Variants in ADCY9 observed in about 807,000 individuals in gnomAD.
ADCY9 encodes the protein adenylate cyclase type 9.
In ADCY9, 50 loss-of-function variants were observed where a neutral mutation model predicts 101.5. The observed-to-expected ratio is 0.49, with a 90% CI of 0.39 to 0.62. ADCY9 has a LOEUF of 0.62. Among genes scored for constraint, ADCY9 ranks in the 20% least tolerant of loss-of-function variants. The pLI is 0.00. For missense variants in ADCY9, 1,662 were observed against 1,800.4 expected (o/e 0.92, Z 1.39); for synonymous variants, 905 against 769.3 (o/e 1.18, Z -2.92).
chr16:3,960,130 C>T (rs781220942), downstream of ADCY9, among the ~76,000 whole-genome samples: 3 of 152,220 alleles, frequency 2.0e-5, no homozygotes, highest in African/African-American at 2.4e-5. Context: ...GAAACCTCAT[C>T]TGCAGAGAGT....
At chr16:4,054,481 C>G (rs2056723158) in intron 2 of ADCY9, among the ~76,000 whole-genome samples, 2 of 152,202 alleles carry the variant, frequency 1.3e-5, no homozygotes, top group African/African-American at 4.8e-5. Flanking sequence ...CTATTACTCT[C>G]TGCCCATTTC....
At chr16:4,071,439 G>T (rs559014286) in intron 2 of ADCY9, among the ~76,000 whole-genome samples, 2 of 150,862 alleles carry the variant, frequency 1.3e-5, no homozygotes, top group African/African-American at 4.9e-5. Context: ...CCTTATAAAG[G>T]TTCCTGCAAA....
At chr16:3,954,317 C>G (rs2055896359) in intron 5 of ADCY9, among the ~76,000 whole-genome samples, 1 of 152,192 alleles carries the variant, frequency 6.6e-6, no homozygotes, top group African/African-American at 2.4e-5. Flanking sequence ...TCTGCTCTGT[C>G]CCTGCCCTCC....
rs575676841 is a variant in ADCY9, at chr16:4,019,532, C to T, written c.1694-11974G>A. On this transcript the variant is annotated intron_variant, in intron 2 of 10. Coordinates refer to ENST00000294016, the MANE Select transcript of ADCY9 (RefSeq NM_001116.4). Reference sequence around the variant, plus strand: ...AGAGGAGGGGACAAAGGCTGGGTCCCCGGCCATCAACAAACGGAGAGCTAG... The same window carrying T: ...AGAGGAGGGGACAAAGGCTGGGTCCTCGGCCATCAACAAACGGAGAGCTAG... Among the ~76,000 whole-genome samples the T allele has an allele frequency of 1.3e-5, 2 of 152,328 alleles. 1 individual carries two copies. Among genetic ancestry groups the T allele is most frequent in the South Asian group, 4.1e-4 (2 of 4,828 alleles).
chr16:3,958,269 C>T (rs1597126390), downstream of ADCY9, among the ~76,000 whole-genome samples: 2 of 152,074 alleles, frequency 1.3e-5, no homozygotes, highest in Admixed American at 6.6e-5. Context: ...GGGCCGGGCA[C>T]GGTAGCTCAC....
chr16:4,072,475 G>A (rs753561168), intron 2 of ADCY9, among the ~76,000 whole-genome samples: 26 of 152,112 alleles, frequency 1.7e-4, no homozygotes, highest in Non-Finnish European at 3.5e-4. Flanking sequence ...CTTCCCTACG[G>A]TATACAAGCC....
In ADCY9 at chr16:3,979,315, G is replaced by A. The variant is rs143269263; in HGVS notation, c.2520-40C>T. ...GGGGTTAGCAGGAGCGACGGGGCCC[G>A]GGGTGGGTCATCGGCCAGGAGACAG... On this transcript the variant is annotated intron_variant, in intron 7 of 10. Coordinates refer to ENST00000294016, the MANE Select transcript of ADCY9 (RefSeq NM_001116.4). 1.4e-4 allele frequency: 230 copies of A among 1,606,688 alleles called. 2 individuals carry two copies. In the African/African-American group the frequency reaches 2.1e-3, roughly 15 times the overall value.
At chr16:3,983,134 C>A (rs558992077) in intron 7 of ADCY9, 98 bp downstream of exon 7, 302 of 1,165,518 alleles carry the variant, frequency 2.6e-4, no homozygotes, top group Non-Finnish European at 3.5e-4. Flanking sequence ...GCAGGGACAG[C>A]TGGCTGGGGA....
At chr16:4,003,466 C>T (rs562688421) in intron 3 of ADCY9, among the ~76,000 whole-genome samples, 32 of 152,300 alleles carry the variant, frequency 2.1e-4, no homozygotes, top group African/African-American at 7.5e-4. Context: ...TCCGGCTCAT[C>T]TCCCAGCAAT....
At position 4,114,798 on chromosome 16, in the gene ADCY9, A is replaced by G. The variant is rs747198785; in HGVS notation, c.645T>C (p.Asp215=). 2.5e-5 allele frequency: 40 copies of G among 1,613,386 alleles called. No homozygotes were observed. The highest frequency in any genetic ancestry group is 3.3e-5 in the Non-Finnish European group (39 of 1,180,052). The change falls in exon 2 of 11, where the codon GAT becomes GAC. Residue 215 remains aspartate (D), a synonymous_variant. Transcript: ENST00000294016. This position sits in a 1 kb window ranked among gnomAD's most constrained non-coding sequence, Gnocchi z 4.3. ...SNLTATARPT[D]TCLSQVGSFS... is the part of the protein sequence containing the mutation. ...AGCTCCCCACTTGAGATAAGCAAGT[A>G]TCTGTGGGCCGGGCTGTGGCCGTAA...
At chr16:4,013,449 A>G (rs956383933) in intron 2 of ADCY9, among the ~76,000 whole-genome samples, 18 of 152,142 alleles carry the variant, frequency 1.2e-4, no homozygotes, top group Admixed American at 9.2e-4. Context: ...TAAAAGAAAA[A>G]GAAGAAAAGA....
intron 2 of ADCY9, among the ~76,000 whole-genome samples, chr16:4,060,237 C>T (rs543446539): frequency 2.0e-5 from 3 of 152,268 alleles, no homozygotes; most frequent in Admixed American, 6.5e-5. Context: ...AAAACCTAGC[C>T]GGAAGATACA....
intron 2 of ADCY9, among the ~76,000 whole-genome samples, chr16:4,055,217 C>T (rs1567131118): frequency 6.6e-6 from 1 of 152,156 alleles, no homozygotes; most frequent in African/African-American, 2.4e-5. Flanking sequence ...CAGCAGATTT[C>T]ACAAGTGAAA....
At chr16:4,049,591 A>G (rs2056687651) in intron 2 of ADCY9, among the ~76,000 whole-genome samples, 1 of 152,136 alleles carries the variant, frequency 6.6e-6, no homozygotes, top group Admixed American at 6.5e-5. Context: ...TTCTGACTAC[A>G]AGGCAGAACA....
intron 9 of ADCY9, among the ~76,000 whole-genome samples, chr16:3,975,727 T>G (rs1464990842): frequency 6.6e-6 from 1 of 152,196 alleles, no homozygotes; most frequent in East Asian, 1.9e-4. Context: ...CCTCTGTAAT[T>G]GTAAACAGGC....
rs538081226 is a variant in ADCY9, at chr16:3,963,071, G to T, written c.*2704C>A. 2.0e-5 allele frequency: 3 copies of T among 150,068 alleles called. No homozygotes were observed. The highest frequency in any genetic ancestry group is 2.5e-4 in the South Asian group (1 of 4,004). The allele number at this position is 150,068 out of a possible 1,614,324, so 9.3% of individuals were successfully genotyped here. On this transcript the variant is annotated 3_prime_UTR_variant, in exon 11 of 11. Transcript: ENST00000294016. ...CTGATGCTCTACATTTGTTTGCATTGGATAAAATTGTGTGTGCTTGTTTAC... is the reference window on the plus strand; with the variant it reads ...CTGATGCTCTACATTTGTTTGCATTTGATAAAATTGTGTGTGCTTGTTTAC...
intron 10 of ADCY9, among the ~76,000 whole-genome samples, chr16:3,971,758 T>C (rs983603141): frequency 1.3e-5 from 2 of 151,630 alleles, no homozygotes; most frequent in Admixed American, 6.6e-5. Flanking sequence ...TAGGAGCAGG[T>C]GTCACCAAGG....
In ADCY9 at chr16:3,992,074, G is replaced by A. The variant is rs1478156624; in HGVS notation, c.2207+72C>T. The A allele has an allele frequency of 1.4e-6, 2 of 1,472,512 alleles. No individual in the cohort carries two copies. Among genetic ancestry groups the A allele is most frequent in the African/African-American group, 1.4e-5 (1 of 71,430 alleles). The allele number at this position is 1,472,512 out of a possible 1,614,324, so 91.2% of individuals were successfully genotyped here. A position where few individuals can be genotyped will look rare whatever the true frequency, so the allele number is the denominator to read the frequency against. ...TGACAGAGCGAGACTCAGTCTTAAA[G>A]AAAAGAAAAGAAAAAGGCAGAGAGG... On this transcript the variant is annotated intron_variant, in intron 5 of 10. Coordinates refer to ENST00000294016, the MANE Select transcript of ADCY9 (RefSeq NM_001116.4). The surrounding 1 kb of genome is among the most constrained non-coding windows in gnomAD (Gnocchi z 4.2).
intron 2 of ADCY9, among the ~76,000 whole-genome samples, chr16:4,041,836 C>T (rs1173518855): frequency 1.3e-5 from 2 of 149,284 alleles, no homozygotes; most frequent in Non-Finnish European, 1.5e-5. Context: ...ACTAAAGCCT[C>T]GATCACCTGG....
Sources: gnomAD v4.1 joint callset for allele counts (sites outside exome capture counted in the v4.1 genomes callset) on GRCh38, gnomAD v4.1.1 for gene constraint, Gnocchi (gnomAD v3.1) non-coding constraint, MANE v1.5 for transcripts, NCBI Gene and HGNC (gene_info 2026-07-23, HGNC 2026-07-21) for gene names.